Variants in AOPEP observed in about 807,000 individuals in gnomAD.
AOPEP encodes aminopeptidase O.
Under a neutral mutation model 98.1 loss-of-function variants are expected in AOPEP, and 77 were observed. The ratio of observed to expected loss-of-function variants is 0.78; its 90% CI spans 0.65 to 0.95. AOPEP has a LOEUF of 0.95. Ranked by LOEUF, AOPEP falls within the 40% of genes least tolerant of loss-of-function variation. The pLI is 0.00. For missense variants in AOPEP, 1,024 were observed against 1,024.7 expected, an observed-to-expected ratio of 1.00 and a Z score of 0.01; for synonymous variants, 346 against 365.3, an observed-to-expected ratio of 0.95 and a Z score of 0.60.
chr9:94,751,367 A>G (rs1835731393), intron 1 of AOPEP, among the ~76,000 whole-genome samples: 2 of 152,214 alleles, frequency 1.3e-5, no homozygotes, highest in Non-Finnish European at 2.9e-5. Context: ...AATTATATTA[A>G]TTAAATAATC....
the AOPEP span, among the ~76,000 whole-genome samples, chr9:95,122,675 T>TA: frequency 6.6e-6 from 1 of 152,064 alleles, no homozygotes; most frequent in Non-Finnish European, 1.5e-5. Context: ...ACGGCCAACA[T>TA]AGAGGCTGAG....
intron 5 of AOPEP, among the ~76,000 whole-genome samples, chr9:94,909,291 C>T (rs1465037941): frequency 2.0e-5 from 3 of 149,112 alleles, no homozygotes; most frequent in East Asian, 3.9e-4. Context: ...TTTTTCTTTC[C>T]GCCAGGCTTT....
intron 2 of AOPEP, among the ~76,000 whole-genome samples, chr9:94,766,706 AATTT>A (rs1407126850): frequency 6.6e-6 from 1 of 152,210 alleles, no homozygotes; most frequent in African/African-American, 2.4e-5. Flanking sequence ...ATGTATAGGA[AATTT>A]ATTAGAAAAA....
At chr9:94,877,990 C>G (rs1021326145) in intron 5 of AOPEP, among the ~76,000 whole-genome samples, 10 of 152,110 alleles carry the variant, frequency 6.6e-5, no homozygotes, top group African/African-American at 2.4e-4. Context: ...GTTTGAATCA[C>G]TGCCATTGGG....
At chr9:95,089,197 TC>T (rs1481341817), downstream of AOPEP, among the ~76,000 whole-genome samples, 1 of 152,048 alleles carries the variant, frequency 6.6e-6, no homozygotes, top group Non-Finnish European at 1.5e-5. Context: ...GCCTCTAGAT[TC>T]CAGCCTGAGA....
At chr9:94,939,786 C>G (rs185477238) in intron 7 of AOPEP, among the ~76,000 whole-genome samples, 57 of 152,196 alleles carry the variant, frequency 3.7e-4, no homozygotes, top group Non-Finnish European at 6.6e-4. Flanking sequence ...TGCCCCCATA[C>G]CAAAATCTCA....
intron 5 of AOPEP, among the ~76,000 whole-genome samples, chr9:94,898,624 T>A (rs1446642691): frequency 7.7e-6 from 1 of 129,142 alleles, no homozygotes; most frequent in African/African-American, 3.0e-5. Flanking sequence ...AGAACAAGAC[T>A]GTCTCAAAAA....
At chr9:94,955,102 CA>C (rs2058364047) in intron 7 of AOPEP, 74 bp from the exon 8 acceptor site, 1 of 798,382 alleles carries the variant, frequency 1.3e-6, no homozygotes, top group African/African-American at 1.7e-5. Context: ...CTGAAAATAA[CA>C]AATAAGATGC....
intron 5 of AOPEP, among the ~76,000 whole-genome samples, chr9:94,877,629 C>T (rs2047114839): frequency 6.6e-6 from 1 of 152,044 alleles, no homozygotes; most frequent in South Asian, 2.1e-4. Context: ...CCATGTTGGC[C>T]AGGCTGGTCT....
intron 5 of AOPEP, among the ~76,000 whole-genome samples, chr9:94,846,937 T>C (rs536049743): frequency 2.6e-5 from 4 of 151,958 alleles, no homozygotes; most frequent in African/African-American, 9.7e-5. Context: ...TGAATGAAGC[T>C]GATGAGAATG....
rs377617795 is a variant in AOPEP, at chr9:94,955,924, G to A, written c.1781G>A (p.Arg594Gln). The stretch of plus-strand genomic sequence containing the variant: ...TTCTTCTAGGGCTACTTCCTTCTTC[G>A]GTTTCTTGCCAAAAGACTTGGAGAT... ...VHYLKGYFLL[R>Q]FLAKRLGDET... Residue 594 changes from arginine to glutamine, a missense_variant, in exon 9 of 17, where the codon CGG becomes CAG. Physicochemically the swap from Arg to Gln is conservative, Grantham distance 43. This residue lies in a region of AOPEP where 566 missense variants were observed against 551.7 expected (regional missense o/e 1.03). Coordinates refer to ENST00000375315, the MANE Select transcript of AOPEP (RefSeq NM_001193329.3). 8.7e-6 allele frequency: 14 copies of A among 1,610,404 alleles called. No individual in the cohort carries two copies. Among genetic ancestry groups the A allele is most frequent in the East Asian group, 2.2e-5 (1 of 44,860 alleles).
At chr9:94,796,550 T>C (rs900689051) in intron 4 of AOPEP, among the ~76,000 whole-genome samples, 4 of 152,200 alleles carry the variant, frequency 2.6e-5, no homozygotes, top group Admixed American at 2.6e-4. Flanking sequence ...AGACCACCAA[T>C]CAAATTCATG....
At position 94,967,756 on chromosome 9, in the gene AOPEP, A is replaced by C; in HGVS notation, c.1873-2A>C. On this transcript the variant is annotated splice_acceptor_variant, in intron 9 of 16. Coordinates refer to ENST00000375315, the MANE Select transcript of AOPEP (RefSeq NM_001193329.3). LOFTEE classifies it high-confidence loss of function. The stretch of plus-strand genomic sequence containing the variant: ...TTAATGATTTGCTTTTTTTAATCCC[A>C]GGATTTCCTTCAAATGCTACTGGAG... 1 of 1,612,810 alleles carries C rather than the reference A, an allele frequency of 6.2e-7. No individual in the cohort carries two copies. The highest frequency in any genetic ancestry group is 1.1e-5 in the South Asian group (1 of 91,048).
chr9:94,771,030 C>A (rs1002034676), intron 2 of AOPEP, among the ~76,000 whole-genome samples: 4 of 152,216 alleles, frequency 2.6e-5, no homozygotes, highest in African/African-American at 9.6e-5. Context: ...GATTTGACCT[C>A]ATCTCAAATC....
At chr9:95,079,645 C>T (rs567623555) in intron 14 of AOPEP, among the ~76,000 whole-genome samples, 3 of 152,354 alleles carry the variant, frequency 2.0e-5, no homozygotes, top group East Asian at 1.9e-4. Context: ...GAATACCTTG[C>T]GCAGGTGGTT....
rs12684781 is a variant in AOPEP, at chr9:94,987,409, G to C, written c.1977+7982G>C. Among the ~76,000 whole-genome samples the C allele has an allele frequency of 5.3e-3, 802 of 152,310 alleles. 14 individuals carry two copies. Among genetic ancestry groups the C allele is most frequent in the East Asian group, 0.043 (225 of 5,182 alleles). On this transcript the variant is annotated intron_variant, in intron 11 of 16. Transcript: ENST00000375315. The stretch of plus-strand genomic sequence containing the variant: ...GTGACATAACCAAGGTGTGCTGCTG[G>C]GAAACTCAGTGTGCCTGTTTGAACA...
At chr9:95,104,121 C>T in the AOPEP span, among the ~76,000 whole-genome samples, 58 of 152,290 alleles carry the variant, frequency 3.8e-4, no homozygotes, top group Non-Finnish European at 7.1e-4. Context: ...AAGGTGCTGT[C>T]GGCAGAGGAA....
the AOPEP span, among the ~76,000 whole-genome samples, chr9:95,147,048 A>G: frequency 6.7e-6 from 1 of 150,002 alleles, no homozygotes; most frequent in African/African-American, 2.4e-5. Context: ...TACAGTGTAT[A>G]TTTTACTTAT....
intron 5 of AOPEP, among the ~76,000 whole-genome samples, chr9:94,829,956 T>C (rs918842611): frequency 6.6e-6 from 1 of 152,232 alleles, no homozygotes. Flanking sequence ...TAAGGGTTCA[T>C]GTGTGTGAAA....
Sources: gnomAD v4.1 joint callset for allele counts (sites outside exome capture counted in the v4.1 genomes callset) on GRCh38, gnomAD v4.1.1 for gene constraint, gnomAD v4.1.1 regional missense constraint, MANE v1.5 for transcripts, NCBI Gene and HGNC (gene_info 2026-07-23, HGNC 2026-07-21) for gene names.